PPP1R37: variants seen among roughly 807,000 people sequenced by gnomAD.
PPP1R37 encodes leucine rich repeat containing 68.
In PPP1R37, 21 loss-of-function variants were observed where a neutral mutation model predicts 61.0. That is an observed-to-expected ratio of 0.34 (90% confidence interval 0.24 to 0.50). The LOEUF is 0.50. Ranked by LOEUF, PPP1R37 falls within the 20% of genes least tolerant of loss-of-function variation. The pLI is 0.98. For missense variants in PPP1R37, 910 were observed against 952.7 expected (o/e 0.96, Z 0.59); for synonymous variants, 443 against 433.5 (o/e 1.02, Z -0.27).
At chr19:45,141,577 C>T (rs1426877888) in intron 5 of PPP1R37, 136 bp downstream of exon 5, 5 of 1,204,388 alleles carry the variant, frequency 4.2e-6, no homozygotes, top group Middle Eastern at 2.3e-4. Context: ...TGGGCCTGGC[C>T]CTCAGGCCAG....
At chr19:45,140,741 T>G (rs954781509) in intron 4 of PPP1R37, 135 bp downstream of exon 4, 1 of 651,976 alleles carries the variant, frequency 1.5e-6, no homozygotes, top group African/African-American at 1.8e-5. Flanking sequence ...GCGGGGCCTC[T>G]TGCAGGGCAA....
At chr19:45,140,805 T>C in intron 4 of PPP1R37, 199 bp downstream of exon 4, 1 of 585,726 alleles carries the variant, frequency 1.7e-6, no homozygotes, top group Non-Finnish European at 3.1e-6. Context: ...TTGGGGCACC[T>C]ATGGCCCACC....
chr19:45,142,886 T>C, intron 7 of PPP1R37: 1 of 194,422 alleles, frequency 5.1e-6, no homozygotes, highest in South Asian at 1.0e-4. Context: ...ACCAGCCTTG[T>C]GAGAAGCCTG....
intron 1 of PPP1R37, among the ~76,000 whole-genome samples, chr19:45,125,102 A>T (rs1008478647): frequency 6.6e-6 from 1 of 152,234 alleles, no homozygotes; most frequent in African/African-American, 2.4e-5. Context: ...TTGTTGTCTT[A>T]TGGGTCTGAA....
intron 1 of PPP1R37, chr19:45,108,592 C>G (rs1968161718): frequency 6.7e-6 from 1 of 148,278 alleles, no homozygotes; most frequent in Non-Finnish European, 1.5e-5. Context: ...AGCGAGCGTT[C>G]TTTTGACTAC....
At chr19:45,140,807 T>C in intron 4 of PPP1R37, 1 of 586,164 alleles carries the variant, frequency 1.7e-6, no homozygotes, top group Non-Finnish European at 3.0e-6. Flanking sequence ...GGGGCACCTA[T>C]GGCCCACCCT....
At chr19:45,102,540 C>T (rs959940371) in intron 1 of PPP1R37, among the ~76,000 whole-genome samples, 1 of 152,182 alleles carries the variant, frequency 6.6e-6, no homozygotes. Context: ...GTGAGGTGGT[C>T]ACTGCCTTGA....
chr19:45,120,845 C>T (rs899713823), intron 1 of PPP1R37, among the ~76,000 whole-genome samples: 1 of 152,180 alleles, frequency 6.6e-6, no homozygotes, highest in Non-Finnish European at 1.5e-5. Context: ...AACTCCTGAC[C>T]TCAGGTGATC....
Position 45,144,998 on chromosome 19 carries a change from A to G in PPP1R37, c.1129+3A>G. 3.3e-6 allele frequency: 5 copies of G among 1,534,084 alleles called. No individual in the cohort carries two copies. Among genetic ancestry groups the G allele is most frequent in the East Asian group, 2.5e-5 (1 of 40,796 alleles). On this transcript the variant is annotated splice_donor_region_variant and intron_variant, in intron 9 of 12. Coordinates refer to ENST00000221462, the MANE Select transcript of PPP1R37 (RefSeq NM_019121.2). ...CTCCACCAAGCTCACGTGCGAGGGTAGGGTACGGGGCCGGGCCAGGGTGCG... is the reference window on the plus strand; with the variant it reads ...CTCCACCAAGCTCACGTGCGAGGGTGGGGTACGGGGCCGGGCCAGGGTGCG...
Position 45,138,623 on chromosome 19 carries a change from A to G in PPP1R37, c.300+12A>G. On this transcript the variant is annotated intron_variant, in intron 2 of 12. Coordinates refer to ENST00000221462, the MANE Select transcript of PPP1R37 (RefSeq NM_019121.2). ...TCAGGCAGCTGCAGGTATGGGCGGG[A>G]CAGGGTGGGTGCGTCCGGTGTGGGT... is the stretch of plus-strand genomic sequence containing the variant. The G allele has an allele frequency of 7.7e-7, 1 of 1,300,990 alleles. No homozygotes were observed. Among genetic ancestry groups the G allele is most frequent in the Non-Finnish European group, 1.1e-6 (1 of 937,218 alleles). The allele number at this position is 1,300,990 out of a possible 1,614,324, so 80.6% of individuals were successfully genotyped here.
chr19:45,106,016 G>A (rs1285053006), intron 1 of PPP1R37, among the ~76,000 whole-genome samples: 1 of 152,214 alleles, frequency 6.6e-6, no homozygotes, highest in Non-Finnish European at 1.5e-5. Context: ...ACACCAACAG[G>A]CGGGGCCATC....
At chr19:45,096,156 T>C (rs1054855052) in intron 1 of PPP1R37, among the ~76,000 whole-genome samples, 5 of 151,988 alleles carry the variant, frequency 3.3e-5, no homozygotes, top group Admixed American at 1.3e-4. Flanking sequence ...CTTGGGCTGG[T>C]GTGGAGGAGT....
chr19:45,114,502 A>G (rs1242603803), intron 1 of PPP1R37, among the ~76,000 whole-genome samples: 2 of 152,200 alleles, frequency 1.3e-5, no homozygotes, highest in African/African-American at 2.4e-5. Flanking sequence ...CCTCCCTGTC[A>G]AATGGGCGAT....
rs200353382 is a variant in PPP1R37, at chr19:45,146,433, T to G, written c.2037T>G (p.Leu679=). The G allele has an allele frequency of 6.5e-7, 1 of 1,535,842 alleles. No individual in the cohort carries two copies. Among genetic ancestry groups the G allele is most frequent in the East Asian group, 2.4e-5 (1 of 40,892 alleles). ...ACGAGAAGGAGCTCGAGGAGCTGCT[T>G]CTGGAAGCCAGTCAGGAATCCGGGC... The part of the protein sequence containing the change: ...SKNEKELEEL[L]LEASQESGQE... Residue 679 remains leucine, a synonymous_variant, in exon 12 of 13, where the codon CTT becomes CTG. Transcript: ENST00000221462.
chr19:45,143,314 G>T (rs904367041), intron 7 of PPP1R37: 19 of 527,368 alleles, frequency 3.6e-5, no homozygotes, highest in African/African-American at 2.9e-4. Context: ...AGAAGCATCT[G>T]GTGGAGGCTG....
intron 1 of PPP1R37, among the ~76,000 whole-genome samples, chr19:45,118,930 T>C (rs1968304116): frequency 1.3e-5 from 2 of 151,260 alleles, no homozygotes; most frequent in Admixed American, 1.3e-4. Context: ...CTGGGTTCCT[T>C]GTGGGCCACC....
rs202074572 is a variant in PPP1R37, at chr19:45,141,330, G to A, written c.456G>A (p.Ser152=). The change falls in exon 5 of 13, where the codon TCG becomes TCA. Residue 152 remains serine (S), a synonymous_variant. Coordinates refer to ENST00000221462, the MANE Select transcript of PPP1R37 (RefSeq NM_019121.2). ...EQTNLDEDGA[S]ALFDMIEYYE... is the part of the protein sequence containing the mutation. ...CGAATCTCTATGCGCAGGGTGCCTC[G>A]GCCCTCTTCGACATGATCGAGTACT... The A allele has an allele frequency of 1.7e-4, 261 of 1,535,658 alleles. 3 individuals carry two copies. In the South Asian group the frequency reaches 2.7e-3, roughly 16 times the overall value.
chr19:45,131,912 C>T (rs1968482459), intron 1 of PPP1R37, among the ~76,000 whole-genome samples: 3 of 152,300 alleles, frequency 2.0e-5, no homozygotes, highest in Non-Finnish European at 2.9e-5. Flanking sequence ...TTGTTGCCTG[C>T]GACCCCACAG....
At position 45,093,357 on chromosome 19, in the gene PPP1R37, T is replaced by C; in HGVS notation, c.32T>C (p.Val11Ala). 1 of 1,507,282 alleles carries C rather than the reference T, an allele frequency of 6.6e-7. No individual in the cohort carries two copies. The highest frequency in any genetic ancestry group is 2.6e-5 in the East Asian group (1 of 38,722). The allele number at this position is 1,507,282 out of a possible 1,614,324, so 93.4% of individuals were successfully genotyped here. MEIAPQEAPP[V>A]PGADGDIEEA... ...ATCGCGCCGCAGGAGGCGCCGCCCG[T>C]GCCGGGCGCGGACGGCGACATTGAA... The change falls in exon 1 of 13, where the codon GTG becomes GCG. Residue 11 changes from valine to alanine, a missense_variant. By Grantham distance (64) the Val-to-Ala change is moderately conservative. Transcript: ENST00000221462.
Sources: allele counts gnomAD v4.1 joint callset (sites outside exome capture counted in the v4.1 genomes callset), GRCh38; gene constraint gnomAD v4.1.1; transcripts MANE v1.5; gene names NCBI Gene and HGNC (gene_info 2026-07-23, HGNC 2026-07-21).